Variants in FRMD3 observed in about 807,000 individuals in gnomAD.
FRMD3 encodes FERM domain containing 3, also known as FERM domain-containing protein 3.
Under a neutral mutation model 70.2 loss-of-function variants are expected in FRMD3, and 33 were observed. That is an observed-to-expected ratio of 0.47 (90% CI 0.36 to 0.63). The LOEUF (loss-of-function observed/expected upper bound fraction) is 0.63. FRMD3 is among the 20% of genes least tolerant of loss of function. The pLI is 0.00. For missense variants in FRMD3, 632 were observed against 711.4 expected, an observed-to-expected ratio of 0.89 and a Z score of 1.27; for synonymous variants, 279 against 255.9, an observed-to-expected ratio of 1.09 and a Z score of -0.86.
At chr9:83,526,940 G>A (rs967185814) in intron 1 of FRMD3, among the ~76,000 whole-genome samples, 1 of 150,314 alleles carries the variant, frequency 6.7e-6, no homozygotes, top group Admixed American at 6.6e-5. Context: ...CCTTCGGGGA[G>A]AATCAACAAA....
chr9:83,478,450 A>G (rs1346436010), intron 1 of FRMD3, among the ~76,000 whole-genome samples: 2 of 152,218 alleles, frequency 1.3e-5, no homozygotes, highest in Non-Finnish European at 2.9e-5. Flanking sequence ...AACCATAATG[A>G]GATACCACTT....
chr9:83,246,723 A>G lies in FRMD3; in HGVS notation c.*1195T>C. On this transcript the variant is annotated 3_prime_UTR_variant, in exon 14 of 14. Transcript: ENST00000304195. ...CAAACACATTTTTGAAGTTTCTTCT[A>G]CAGAATCACAACAAATGGCATGAGG... 1 of 985,072 alleles carries G rather than the reference A, an allele frequency of 1.0e-6. No individual in the cohort carries two copies. The highest frequency in any genetic ancestry group is 1.2e-6 in the Non-Finnish European group (1 of 829,870). The allele number at this position is 985,072 out of a possible 1,614,324, so 61.0% of individuals were successfully genotyped here.
At chr9:83,297,578 T>C (rs1272847269) in intron 12 of FRMD3, 3 of 348,188 alleles carry the variant, frequency 8.6e-6, no homozygotes, top group Non-Finnish European at 1.7e-5. Flanking sequence ...TCTTCATTTC[T>C]GCTGCATTGA....
chr9:83,517,230 C>T (rs193253184), intron 1 of FRMD3, among the ~76,000 whole-genome samples: 1 of 151,662 alleles, frequency 6.6e-6, no homozygotes, highest in Admixed American at 6.6e-5. Flanking sequence ...ACTAGCCAGG[C>T]TAATAAAGAA....
At chr9:83,539,414 A>C (rs113331272), upstream of FRMD3, among the ~76,000 whole-genome samples, 917 of 152,232 alleles carry the variant, frequency 6.0e-3, 13 homozygotes, top group African/African-American at 0.019. Flanking sequence ...AATGTCCAGG[A>C]GCTGGGAGAG....
intron 6 of FRMD3, among the ~76,000 whole-genome samples, chr9:83,329,112 A>C (rs973001849): frequency 2.6e-5 from 4 of 152,216 alleles, no homozygotes; most frequent in South Asian, 4.2e-4. Context: ...CACTTGCCCC[A>C]GCCCATCCCT....
At chr9:83,362,738 T>C (rs1443397679) in intron 3 of FRMD3, among the ~76,000 whole-genome samples, 1 of 150,788 alleles carries the variant, frequency 6.6e-6, no homozygotes, top group East Asian at 1.9e-4. Flanking sequence ...CCTGCTTCCT[T>C]CCTTCCTTCT....
chr9:83,434,332 G>A (rs1827068992), intron 1 of FRMD3, among the ~76,000 whole-genome samples: 2 of 152,152 alleles, frequency 1.3e-5, no homozygotes, highest in Non-Finnish European at 2.9e-5. Context: ...TAGACACAGG[G>A]GGACTTCAGT....
At chr9:83,570,659 G>A in the FRMD3 span, among the ~76,000 whole-genome samples, 1 of 152,168 alleles carries the variant, frequency 6.6e-6, no homozygotes, top group African/African-American at 2.4e-5. Context: ...GCAATGGAAA[G>A]GATTTGACTT....
At chr9:83,498,739 A>T (rs1027670113) in intron 1 of FRMD3, among the ~76,000 whole-genome samples, 6 of 112,818 alleles carry the variant, frequency 5.3e-5, no homozygotes, top group Non-Finnish European at 1.0e-4. Context: ...TCACCCCTTT[A>T]AAAAAAAGAA....
intron 6 of FRMD3, among the ~76,000 whole-genome samples, chr9:83,326,318 C>T (rs1405534241): frequency 2.0e-5 from 3 of 152,070 alleles, no homozygotes; most frequent in African/African-American, 7.2e-5. Context: ...AAATACTGTG[C>T]TGAGGGGAAT....
chr9:83,378,067 T>C (rs1825204555), intron 2 of FRMD3, among the ~76,000 whole-genome samples: 1 of 152,024 alleles, frequency 6.6e-6, no homozygotes, highest in Admixed American at 6.6e-5. Flanking sequence ...TAGAGCGAGT[T>C]CCCTGGTTTC....
At chr9:83,500,536 A>ACACACACT (rs1829044575) in intron 1 of FRMD3, among the ~76,000 whole-genome samples, 1 of 137,172 alleles carries the variant, frequency 7.3e-6, no homozygotes, top group African/African-American at 2.5e-5. Flanking sequence ...ACACACACAC[A>ACACACACT]CACAATGTCA....
intron 13 of FRMD3, among the ~76,000 whole-genome samples, chr9:83,258,963 A>T (rs1370958698): frequency 2.6e-5 from 4 of 151,998 alleles, no homozygotes; most frequent in Non-Finnish European, 4.4e-5. Flanking sequence ...GCCCATTAAA[A>T]CAACTATGGA....
chr9:83,439,190 G>C (rs1424866612), intron 1 of FRMD3, among the ~76,000 whole-genome samples: 3 of 152,198 alleles, frequency 2.0e-5, no homozygotes, highest in Non-Finnish European at 4.4e-5. Context: ...AATATTGTTT[G>C]GGCCATGAAA....
chr9:83,269,007 C>A (rs1347502882), intron 13 of FRMD3, among the ~76,000 whole-genome samples: 2 of 152,222 alleles, frequency 1.3e-5, no homozygotes, highest in Non-Finnish European at 2.9e-5. Context: ...ACCTACTACA[C>A]CTCCCTCACT....
chr9:83,246,306 C>T lies in FRMD3; in HGVS notation c.*1612G>A, dbSNP rs1025821231. On this transcript the variant is annotated 3_prime_UTR_variant, in exon 14 of 14. Coordinates refer to ENST00000304195, the MANE Select transcript of FRMD3 (RefSeq NM_174938.6). Reference sequence around the variant, plus strand: ...GTTCTAGACTCTTATCTTTCTCCCACATAACACAGTATCAGCAGGTAGTCT... The same window carrying T: ...GTTCTAGACTCTTATCTTTCTCCCATATAACACAGTATCAGCAGGTAGTCT... The T allele has an allele frequency of 4.1e-6, 4 of 984,680 alleles. No individual in the cohort carries two copies. In the African/African-American group the frequency reaches 7.0e-5, roughly 17 times the overall value. The allele number at this position is 984,680 out of a possible 1,614,324, so 61.0% of individuals were successfully genotyped here.
intron 1 of FRMD3, among the ~76,000 whole-genome samples, chr9:83,536,659 C>A (rs1829898416): frequency 6.6e-6 from 1 of 152,046 alleles, no homozygotes; most frequent in African/African-American, 2.4e-5. Context: ...AATTCAAGCT[C>A]CCCCAGAAAA....
intron 1 of FRMD3, among the ~76,000 whole-genome samples, chr9:83,470,663 T>A (rs779476593): frequency 1.3e-5 from 2 of 152,188 alleles, no homozygotes; most frequent in Non-Finnish European, 2.9e-5. Flanking sequence ...CCCAGAAGGG[T>A]CCCGATCAGA....
Sources: allele counts gnomAD v4.1 joint callset (sites outside exome capture counted in the v4.1 genomes callset), GRCh38; gene constraint gnomAD v4.1.1; transcripts MANE v1.5; gene names NCBI Gene and HGNC (gene_info 2026-07-23, HGNC 2026-07-21).